CACNA2D1: variants seen among roughly 807,000 people sequenced by gnomAD.
CACNA2D1 encodes voltage-dependent calcium channel subunit alpha-2/delta-1.
Under a neutral mutation model 171.5 loss-of-function variants are expected in CACNA2D1, and 53 were observed. That is an observed-to-expected ratio of 0.31 (90% confidence interval 0.25 to 0.39). The LOEUF (loss-of-function observed/expected upper bound fraction) is 0.39, where lower values mean the gene tolerates loss of function less well. CACNA2D1 is among the 10% of genes least tolerant of loss of function. The pLI, the probability that CACNA2D1 is intolerant of heterozygous loss-of-function variation, is 1.00. For missense variants in CACNA2D1, 903 were observed against 1,299.8 expected (o/e 0.69, Z 4.69); for synonymous variants, 442 against 443.1 (o/e 1.00, Z 0.03).
chr7:82,034,264 T>C (rs1803043880), intron 11 of CACNA2D1, among the ~76,000 whole-genome samples: 1 of 152,092 alleles, frequency 6.6e-6, no homozygotes, highest in South Asian at 2.1e-4. Context: ...ATGACTAATA[T>C]TTTTTAAAAA....
intron 3 of CACNA2D1, among the ~76,000 whole-genome samples, chr7:82,302,696 C>T (rs376319004): frequency 9.2e-5 from 14 of 152,246 alleles, no homozygotes; most frequent in Middle Eastern, 3.4e-3. Flanking sequence ...GAAATACAGG[C>T]GTGAGCCACT....
intron 11 of CACNA2D1, among the ~76,000 whole-genome samples, chr7:82,033,723 A>T (rs2131162717): frequency 6.6e-6 from 1 of 152,204 alleles, no homozygotes; most frequent in African/African-American, 2.4e-5. Flanking sequence ...TCTCCAAAAG[A>T]GTTAGATATG....
At chr7:81,975,233 T>A (rs929503906) in intron 24 of CACNA2D1, among the ~76,000 whole-genome samples, 3 of 152,116 alleles carry the variant, frequency 2.0e-5, no homozygotes, top group African/African-American at 7.2e-5. Context: ...TGCAACTGCA[T>A]GTGAATCTAT....
At chr7:82,223,237 T>C (rs1801989600) in intron 3 of CACNA2D1, among the ~76,000 whole-genome samples, 1 of 152,152 alleles carries the variant, frequency 6.6e-6, no homozygotes, top group Non-Finnish European at 1.5e-5. Flanking sequence ...TATCTTAAAA[T>C]GCTAAATTAC....
At chr7:82,409,310 C>A (rs1364204881) in intron 1 of CACNA2D1, among the ~76,000 whole-genome samples, 12 of 152,104 alleles carry the variant, frequency 7.9e-5, no homozygotes, top group Non-Finnish European at 1.6e-4. Flanking sequence ...GCAAGTCATG[C>A]AAGCCAAATA....
At chr7:82,363,867 T>C (rs17264844) in intron 1 of CACNA2D1, among the ~76,000 whole-genome samples, 22,172 of 152,046 alleles carry the variant, frequency 0.15, 1,791 homozygotes, top group South Asian at 0.27. Context: ...CTAAGGAGAA[T>C]CAATAGCCAG....
intron 3 of CACNA2D1, among the ~76,000 whole-genome samples, chr7:82,213,061 T>C (rs1386153213): frequency 1.3e-5 from 2 of 151,914 alleles, no homozygotes; most frequent in Non-Finnish European, 2.9e-5. Flanking sequence ...CACCACGCCC[T>C]GCTAATTTTT....
intron 4 of CACNA2D1, among the ~76,000 whole-genome samples, chr7:82,162,564 T>C (rs929047123): frequency 6.6e-6 from 1 of 151,980 alleles, no homozygotes; most frequent in African/African-American, 2.4e-5. Context: ...AGTACAGACA[T>C]CCAGCTACAA....
chr7:81,983,513 T>A (rs565302668), intron 22 of CACNA2D1, among the ~76,000 whole-genome samples, 179 bp from the exon 23 acceptor site: 1 of 152,332 alleles, frequency 6.6e-6, no homozygotes, highest in African/African-American at 2.4e-5. Flanking sequence ...TTTTGAAGAC[T>A]GGATAGTATG....
chr7:82,133,238 CCATT>C lies in CACNA2D1; in HGVS notation c.396+3393_396+3396del, dbSNP rs1299236496. The stretch of plus-strand genomic sequence containing the variant: ...AGACTTGTGTAAAATAATATTTTAC[CCATT>C]ATTATGAAATCCATATTAATATACA... On this transcript the variant is annotated intron_variant, in intron 5 of 38. Coordinates refer to ENST00000356860, the MANE Select transcript of CACNA2D1 (RefSeq NM_000722.4). Among the ~76,000 whole-genome samples, 11 of 151,826 alleles carry C rather than the reference CCATT, an allele frequency of 7.2e-5. No individual in the cohort carries two copies. In the South Asian group the frequency reaches 8.4e-4, roughly 12 times the overall value.
intron 3 of CACNA2D1, among the ~76,000 whole-genome samples, chr7:82,275,215 C>A (rs1026608574): frequency 6.6e-6 from 1 of 152,036 alleles, no homozygotes; most frequent in African/African-American, 2.4e-5. Context: ...TTACTTAGAA[C>A]CTACAGCAAG....
At chr7:81,996,548 T>G (rs1251975241) in intron 19 of CACNA2D1, among the ~76,000 whole-genome samples, 3 of 151,894 alleles carry the variant, frequency 2.0e-5, no homozygotes, top group Non-Finnish European at 4.4e-5. Flanking sequence ...TCTCTGTACC[T>G]CAAATGTATC....
chr7:82,065,591 G>C (rs138196202), intron 8 of CACNA2D1, among the ~76,000 whole-genome samples: 163 of 152,236 alleles, frequency 1.1e-3, no homozygotes, highest in African/African-American at 3.6e-3. Context: ...TATTTAAAAG[G>C]ACATCTAAAA....
intron 1 of CACNA2D1, among the ~76,000 whole-genome samples, chr7:82,379,161 T>C (rs902216814): frequency 6.6e-6 from 1 of 152,172 alleles, no homozygotes; most frequent in Non-Finnish European, 1.5e-5. Context: ...AGTAGTTCTT[T>C]AATTCAGTTT....
chr7:82,049,075 A>AG (rs1275818719), intron 10 of CACNA2D1, among the ~76,000 whole-genome samples: 1 of 150,928 alleles, frequency 6.6e-6, no homozygotes, highest in Non-Finnish European at 1.5e-5. Flanking sequence ...ACACCTTCTT[A>AG]TAAACTCTCT....
intron 4 of CACNA2D1, among the ~76,000 whole-genome samples, chr7:82,153,574 T>C (rs988355998): frequency 1.3e-5 from 2 of 152,082 alleles, no homozygotes; most frequent in Non-Finnish European, 2.9e-5. Flanking sequence ...AATTATGTAA[T>C]AGAATCTCTA....
At chr7:82,368,462 T>C (rs146945732) in intron 1 of CACNA2D1, among the ~76,000 whole-genome samples, 109 of 152,344 alleles carry the variant, frequency 7.2e-4, no homozygotes, top group Middle Eastern at 3.4e-3. Flanking sequence ...AGTAGATTCC[T>C]AAATGGAAAG....
intron 38 of CACNA2D1, among the ~76,000 whole-genome samples, chr7:81,956,147 G>GTATTT (rs959483640): frequency 5.3e-5 from 8 of 151,270 alleles, no homozygotes; most frequent in African/African-American, 1.9e-4. Context: ...GCTAATTTTT[G>GTATTT]TATTTTAGTA....
chr7:81,978,770 TACAC>T (rs369514706), intron 24 of CACNA2D1, among the ~76,000 whole-genome samples: 3 of 144,016 alleles, frequency 2.1e-5, no homozygotes, highest in African/African-American at 5.2e-5. Flanking sequence ...TATATATATA[TACAC>T]ACACACACAC....
Sources: allele counts gnomAD v4.1 joint callset (sites outside exome capture counted in the v4.1 genomes callset), GRCh38; gene constraint gnomAD v4.1.1; transcripts MANE v1.5; gene names NCBI Gene and HGNC (gene_info 2026-07-23, HGNC 2026-07-21).